Variants in CAMK2G observed in about 807,000 individuals in gnomAD.
The protein encoded by CAMK2G is calcium/calmodulin-dependent protein kinase type II subunit gamma.
In CAMK2G, 23 loss-of-function variants were observed where a neutral mutation model predicts 88.7. That is an observed-to-expected ratio of 0.26 (90% confidence interval 0.19 to 0.37). The LOEUF is 0.37. Ranked by LOEUF, CAMK2G falls within the 10% of genes least tolerant of loss-of-function variation. CAMK2G has a pLI of 1.00. For synonymous variants in CAMK2G, 263 were observed against 294.8 expected (o/e 0.89, Z 1.11); for missense variants, 476 against 780.8 (o/e 0.61, Z 4.65).
intron 4 of CAMK2G, 121 bp downstream of exon 4, chr10:73,853,071 C>G: frequency 2.2e-6 from 2 of 898,856 alleles, no homozygotes; most frequent in Admixed American, 4.3e-5. Context: ...AAATCCTTTC[C>G]CTCGGACAAA....
At chr10:73,819,826 C>A (rs2087215084) in intron 18 of CAMK2G, among the ~76,000 whole-genome samples, 181 bp from the exon 19 acceptor site, 1 of 152,350 alleles carries the variant, frequency 6.6e-6, no homozygotes, top group Non-Finnish European at 1.5e-5. Flanking sequence ...GCCGCCTCTG[C>A]CAGAGAGGCC....
intron 10 of CAMK2G, among the ~76,000 whole-genome samples, chr10:73,843,279 T>C (rs1368338832): frequency 1.3e-5 from 2 of 152,090 alleles, no homozygotes; most frequent in Non-Finnish European, 2.9e-5. Context: ...GCCAGGCTGG[T>C]GGTCTCGAAC....
intron 22 of CAMK2G, chr10:73,814,738 T>C (rs1451456381): frequency 6.3e-6 from 3 of 477,612 alleles, no homozygotes; most frequent in Non-Finnish European, 7.6e-6. Context: ...TAGGCACCAC[T>C]CTCTGCCTTT....
Position 73,860,871 on chromosome 10 carries a change from C to T in CAMK2G, c.179G>A (p.Arg60His). 4 of 1,613,726 alleles carry T rather than the reference C, an allele frequency of 2.5e-6. No homozygotes were observed. Among genetic ancestry groups the T allele is most frequent in the Non-Finnish European group, 3.4e-6 (4 of 1,179,604 alleles). ...LSARDHQKLE[R>H]EARICRLLKH... ...CAGAAGTCGACATATCCGAGCCTCA[C>T]GTTCTAGTTTCTGGTGATCTAAAAG... The change falls in exon 3 of 23, where the codon CGT becomes CAT. Residue 60 changes from arginine (R) to histidine (H), a missense_variant. By Grantham distance (29) the Arg-to-His change is conservative (BLOSUM62 0). This residue lies in a region of CAMK2G where 164 missense variants were observed against 385.6 expected (regional missense o/e 0.43). Transcript: ENST00000423381.
At chr10:73,829,799 G>A (rs1165721779) in intron 14 of CAMK2G, among the ~76,000 whole-genome samples, 1 of 151,652 alleles carries the variant, frequency 6.6e-6, no homozygotes, top group Non-Finnish European at 1.5e-5. Flanking sequence ...TATCTTATGT[G>A]TCTTTACAAT....
chr10:73,835,920 C>T (rs1437962868), intron 14 of CAMK2G, among the ~76,000 whole-genome samples: 4 of 152,086 alleles, frequency 2.6e-5, no homozygotes, highest in Admixed American at 6.5e-5. Flanking sequence ...CTGCAACCTC[C>T]GCCTCCCAGG....
intron 1 of CAMK2G, chr10:73,873,553 G>A (rs924579988): frequency 3.0e-6 from 3 of 994,864 alleles, no homozygotes; most frequent in Non-Finnish European, 3.6e-6. Context: ...CAACCATGGG[G>A]CAAAGTGAGG....
chr10:73,873,891 T>C (rs895323056), intron 1 of CAMK2G, among the ~76,000 whole-genome samples: 1 of 62,592 alleles, frequency 1.6e-5, no homozygotes, highest in African/African-American at 6.6e-5. Flanking sequence ...GGGACGGGGG[T>C]GCCGCAGCAC....
intron 13 of CAMK2G, among the ~76,000 whole-genome samples, chr10:73,837,749 G>A (rs542812405): frequency 4.6e-5 from 7 of 152,280 alleles, no homozygotes; most frequent in South Asian, 4.2e-4. Flanking sequence ...ATGGATGCAC[G>A]ACACTTAGAG....
chr10:73,815,835 G>C, intron 21 of CAMK2G: 1 of 985,482 alleles, frequency 1.0e-6, no homozygotes, highest in Non-Finnish European at 1.2e-6. Context: ...TGGGGAAAAG[G>C]CAAAAGAAGT....
At chr10:73,858,702 C>G (rs1392530855) in intron 3 of CAMK2G, among the ~76,000 whole-genome samples, 1 of 152,224 alleles carries the variant, frequency 6.6e-6, no homozygotes, top group African/African-American at 2.4e-5. Context: ...GTCCCTCCGC[C>G]TGCCTCCATT....
At chr10:73,869,223 G>A (rs2095712258) in intron 2 of CAMK2G, among the ~76,000 whole-genome samples, 1 of 152,212 alleles carries the variant, frequency 6.6e-6, no homozygotes, top group Non-Finnish European at 1.5e-5. Context: ...AATCTCTGTG[G>A]CTAAAGCCCA....
chr10:73,817,842 CT>C lies in CAMK2G; in HGVS notation c.1364-289del, dbSNP rs1237080816. 7.1e-5 allele frequency: 35 copies of C among 494,002 alleles called. No homozygotes were observed. In the Admixed American group the frequency reaches 1.1e-3, roughly 15 times the overall value. 30.6% of individuals were successfully genotyped at this position (494,002 alleles called of 1,614,324 possible). On this transcript the variant is annotated intron_variant, in intron 19 of 22. Coordinates refer to ENST00000423381, the MANE Select transcript of CAMK2G (RefSeq NM_001367534.1). ...ACCAGGTTGCAGAAAACACGCTTGC[CT>C]TTAACAGGTGAGGAGCCTGGTACAT...
At chr10:73,823,105 G>A (rs1324976099) in intron 17 of CAMK2G, among the ~76,000 whole-genome samples, 3 of 152,100 alleles carry the variant, frequency 2.0e-5, no homozygotes, top group South Asian at 2.1e-4. Context: ...CAAGTGATCC[G>A]CCCGCCTTGG....
Position 73,852,957 on chromosome 10 carries a change from T to C in CAMK2G, c.275+235A>G. 5.2e-6 allele frequency: 3 copies of C among 577,252 alleles called. No individual in the cohort carries two copies. The South Asian group carries it at 6.4e-5, about 12-fold the overall frequency. 35.8% of individuals were successfully genotyped at this position (577,252 alleles called of 1,614,324 possible). On this transcript the variant is annotated intron_variant, in intron 4 of 22. Transcript: ENST00000423381. Reference sequence around the variant, plus strand: ...AAGGCATCTGTGCAAGGCGTGCTGCTGAACAGAAGTGCGAGAGGAATGCTG... The same window carrying C: ...AAGGCATCTGTGCAAGGCGTGCTGCCGAACAGAAGTGCGAGAGGAATGCTG...
chr10:73,816,161 ATGGGAGGGGGTGATGATTCAGCTTCT>A, intron 21 of CAMK2G: 15 of 985,626 alleles, frequency 1.5e-5, no homozygotes, highest in Non-Finnish European at 1.8e-5. Flanking sequence ...AGAGAGAAAG[ATGGGAGGGGGTGATGATTCAGCTTCT>A]TATCCCCTTA....
intron 16 of CAMK2G, 26 bp downstream of exon 16, chr10:73,825,253 G>T: frequency 6.4e-7 from 1 of 1,566,756 alleles, no homozygotes; most frequent in African/African-American, 1.3e-5. Flanking sequence ...AGGGTCAGAG[G>T]CGGAGAAGCT....
At chr10:73,828,723 A>AT (rs1375912126) in intron 14 of CAMK2G, among the ~76,000 whole-genome samples, 1 of 152,170 alleles carries the variant, frequency 6.6e-6, no homozygotes, top group Non-Finnish European at 1.5e-5. Flanking sequence ...CAATATTTGA[A>AT]TTTTTTATTG....
rs200528388 is a variant in CAMK2G at position 73,815,754 on chromosome 10, A to AT, written c.1535-508dup. 1.7e-4 allele frequency: 164 copies of AT among 956,090 alleles called. 1 individual carries two copies. The East Asian group carries it at 7.8e-3, about 46-fold the overall frequency. The allele number at this position is 956,090 out of a possible 1,614,324, so 59.2% of individuals were successfully genotyped here. A position where few individuals can be genotyped will look rare whatever the true frequency, so the allele number is the denominator to read the frequency against. The stretch of plus-strand genomic sequence containing the variant: ...TTAAACCATTCAAAATTGATTTGTA[A>AT]TTTTTTTTAAGGCACCAAAGCTGAA... On this transcript the variant is annotated intron_variant, in intron 21 of 22. Transcript: ENST00000423381.
Sources: allele counts gnomAD v4.1 joint callset (sites outside exome capture counted in the v4.1 genomes callset), GRCh38; gene constraint gnomAD v4.1.1; regional missense constraint gnomAD v4.1.1; transcripts MANE v1.5; gene names NCBI Gene and HGNC (gene_info 2026-07-23, HGNC 2026-07-21).